TPTE: variants seen among roughly 807,000 people sequenced by gnomAD.
TPTE encodes the protein putative tyrosine-protein phosphatase TPTE.
In TPTE, 59 loss-of-function variants were observed where a neutral mutation model predicts 84.1. The ratio of observed to expected loss-of-function variants is 0.70; its 90% CI spans 0.57 to 0.87. The LOEUF (loss-of-function observed/expected upper bound fraction) is 0.87, where lower values mean the gene tolerates loss of function less well. TPTE is among the 40% of genes least tolerant of loss of function. TPTE has a pLI of 0.00. For synonymous variants in TPTE, 130 were observed against 223.5 expected (o/e 0.58, Z 3.73); for missense variants, 382 against 659.6 (o/e 0.58, Z 4.61).
At chr21:10,605,127 T>G (rs1979120396) in intron 23 of TPTE, among the ~76,000 whole-genome samples, 2 of 152,310 alleles carry the variant, frequency 1.3e-5, no homozygotes, top group South Asian at 2.1e-4. Context: ...CTGACTGATT[T>G]CTGTCACAGA....
intron 7 of TPTE, among the ~76,000 whole-genome samples, chr21:10,544,552 T>C (rs2074430773): frequency 6.6e-6 from 1 of 152,288 alleles, no homozygotes; most frequent in African/African-American, 2.4e-5. Context: ...GCCAGACAAA[T>C]TTTTTGTATT....
At chr21:10,560,736 A>T (rs1407144959) in intron 9 of TPTE, among the ~76,000 whole-genome samples, 3 of 152,310 alleles carry the variant, frequency 2.0e-5, no homozygotes, top group South Asian at 2.1e-4. Context: ...CAGACAGGTG[A>T]TTTTAATTCA....
intron 3 of TPTE, among the ~76,000 whole-genome samples, chr21:10,538,124 G>A (rs1207582758): frequency 3.3e-5 from 5 of 152,306 alleles, no homozygotes; most frequent in Admixed American, 6.5e-5. Context: ...CAGCAGGGAC[G>A]GAGAGTAGTG....
intron 3 of TPTE, among the ~76,000 whole-genome samples, chr21:10,535,125 G>C (rs1354177020): frequency 6.6e-6 from 1 of 152,308 alleles, no homozygotes; most frequent in Non-Finnish European, 1.5e-5. Context: ...TTGGCAGGTA[G>C]ACTCTTGTCT....
chr21:10,568,429 G>T (rs2074970354), intron 11 of TPTE, among the ~76,000 whole-genome samples: 1 of 152,312 alleles, frequency 6.6e-6, no homozygotes, highest in African/African-American at 2.4e-5. Context: ...GTTAGAAGTG[G>T]GATTGGGAAA....
intron 17 of TPTE, among the ~76,000 whole-genome samples, chr21:10,584,687 T>C (rs1471632221): frequency 6.6e-6 from 1 of 152,424 alleles, no homozygotes; most frequent in Non-Finnish European, 1.5e-5. Context: ...ATAGATTCTT[T>C]TGGATTTTAT....
At chr21:10,578,833 G>A (rs1442097821) in intron 17 of TPTE, among the ~76,000 whole-genome samples, 1 of 152,308 alleles carries the variant, frequency 6.6e-6, no homozygotes, top group African/African-American at 2.4e-5. Flanking sequence ...AAGAACTAAG[G>A]AAGGTTGAGC....
intron 23 of TPTE, among the ~76,000 whole-genome samples, chr21:10,605,104 A>G (rs1405359322): frequency 1.3e-5 from 2 of 152,306 alleles, no homozygotes; most frequent in Non-Finnish European, 2.9e-5. Flanking sequence ...CTGGGCTTTC[A>G]TTCATGTCTA....
chr21:10,535,586 G>T (rs1305194805), intron 3 of TPTE, among the ~76,000 whole-genome samples: 1 of 152,292 alleles, frequency 6.6e-6, no homozygotes, highest in East Asian at 1.9e-4. Context: ...TAAGTTAGTA[G>T]TATCCAATCC....
At chr21:10,549,694 A>G (rs55839418) in intron 7 of TPTE, among the ~76,000 whole-genome samples, 2,547 of 151,224 alleles carry the variant, frequency 0.017, no homozygotes, top group African/African-American at 0.06. Context: ...TTTATGGGAC[A>G]CCATTAATTT....
chr21:10,529,889 T>C (rs1342336853), intron 3 of TPTE, among the ~76,000 whole-genome samples: 1 of 152,306 alleles, frequency 6.6e-6, no homozygotes, highest in African/African-American at 2.4e-5. Context: ...GAATCAGTTG[T>C]AACTGTGATC....
intron 20 of TPTE, among the ~76,000 whole-genome samples, chr21:10,596,413 G>C (rs1364736849): frequency 2.0e-5 from 3 of 152,306 alleles, no homozygotes; most frequent in African/African-American, 7.2e-5. Flanking sequence ...GAGGGAGGAG[G>C]AGGACCCATG....
chr21:10,595,619 C>T (rs1212112501), intron 19 of TPTE, among the ~76,000 whole-genome samples: 1 of 152,422 alleles, frequency 6.6e-6, no homozygotes, highest in African/African-American at 2.4e-5. Flanking sequence ...CAGGAAGCTG[C>T]TCATCACCAA....
chr21:10,525,714 C>T (rs1303285407), intron 2 of TPTE, among the ~76,000 whole-genome samples: 1 of 152,308 alleles, frequency 6.6e-6, no homozygotes, highest in Non-Finnish European at 1.5e-5. Context: ...GTTTGCAATT[C>T]TCACCTTCCT....
At chr21:10,546,748 G>A (rs2074475062) in intron 7 of TPTE, among the ~76,000 whole-genome samples, 1 of 152,312 alleles carries the variant, frequency 6.6e-6, no homozygotes. Context: ...CCAGGACAAG[G>A]CCCTCACTCT....
chr21:10,526,977 G>A (rs1212630919), intron 2 of TPTE, among the ~76,000 whole-genome samples: 1 of 152,304 alleles, frequency 6.6e-6, no homozygotes. Context: ...CAAAATCATT[G>A]TAAACACATA....
At chr21:10,567,587 G>C (rs1171240625) in intron 10 of TPTE, 83 bp from the exon 11 acceptor site, 1 of 1,570,480 alleles carries the variant, frequency 6.4e-7, no homozygotes. Context: ...TAATGGGGAT[G>C]AGTCAATAGT....
In TPTE at chr21:10,603,548, T is replaced by G. The variant is rs768245368; in HGVS notation, c.1450-14T>G. ...TGGTATCAGTTTTACTTTGAAATTT[T>G]TTTTTCTTTTTAGAATCTTCCTACA... On this transcript the variant is annotated splice_polypyrimidine_tract_variant and intron_variant, in intron 22 of 23. Transcript: ENST00000618007. 2.5e-6 allele frequency: 4 copies of G among 1,607,834 alleles called. No individual in the cohort carries two copies. In the East Asian group the frequency reaches 8.9e-5, roughly 36 times the overall value.
chr21:10,594,912 A>C (rs1300442657), intron 19 of TPTE, among the ~76,000 whole-genome samples: 1 of 152,310 alleles, frequency 6.6e-6, no homozygotes, highest in African/African-American at 2.4e-5. Context: ...TCTACTCCTA[A>C]GTTAAGGACT....
Sources: allele counts gnomAD v4.1 joint callset (sites outside exome capture counted in the v4.1 genomes callset), GRCh38; gene constraint gnomAD v4.1.1; transcripts MANE v1.5; gene names NCBI Gene and HGNC (gene_info 2026-07-23, HGNC 2026-07-21).